The following GLDN variants were observed in gnomAD, a reference collection of about 807,000 sequenced individuals.
The protein encoded by GLDN is gliomedin.
A neutral mutation model predicts 56.5 loss-of-function variants in GLDN; 47 were observed. The ratio of observed to expected loss-of-function variants is 0.83; its 90% CI spans 0.66 to 1.06. The LOEUF (loss-of-function observed/expected upper bound fraction) is 1.06, where lower values mean the gene tolerates loss of function less well. GLDN is among the 50% of genes least tolerant of loss of function. GLDN has a pLI of 0.00. For synonymous variants in GLDN, 332 were observed against 278.8 expected (o/e 1.19, Z -1.90); for missense variants, 782 against 714.3 (o/e 1.09, Z -1.08).
chr15:51,344,797 G>A (rs2036948746), intron 1 of GLDN, among the ~76,000 whole-genome samples: 1 of 152,174 alleles, frequency 6.6e-6, no homozygotes, highest in Non-Finnish European at 1.5e-5. Flanking sequence ...CTCTACTGTT[G>A]GCTGAAAATA....
chr15:51,349,199 C>G (rs1487079928), intron 1 of GLDN, among the ~76,000 whole-genome samples: 1 of 152,182 alleles, frequency 6.6e-6, no homozygotes, highest in African/African-American at 2.4e-5. Context: ...TGATATGAAT[C>G]TAGAAATTCT....
intron 1 of GLDN, among the ~76,000 whole-genome samples, chr15:51,356,218 AAAG>A (rs2037184220): frequency 6.6e-6 from 1 of 151,718 alleles, no homozygotes; most frequent in Non-Finnish European, 1.5e-5. Flanking sequence ...AAAAAAAAAA[AAAG>A]AATACCTAAC....
At chr15:51,411,805 C>G (rs987055326), downstream of GLDN, among the ~76,000 whole-genome samples, 2 of 152,126 alleles carry the variant, frequency 1.3e-5, no homozygotes, top group Non-Finnish European at 1.5e-5. Flanking sequence ...GCAGACCATA[C>G]AAAAACAGGT....
chr15:51,366,788 G>T (rs2037411373), intron 1 of GLDN, among the ~76,000 whole-genome samples: 1 of 152,022 alleles, frequency 6.6e-6, no homozygotes, highest in Admixed American at 6.6e-5. Context: ...GCACGTGACT[G>T]TGGTCCCAGC....
At chr15:51,371,465 A>G (rs1166684101) in intron 1 of GLDN, among the ~76,000 whole-genome samples, 1 of 152,218 alleles carries the variant, frequency 6.6e-6, no homozygotes, top group East Asian at 1.9e-4. Flanking sequence ...CAGGTCAGCA[A>G]GAAGTCTGTT....
chr15:51,382,823 CAAT>C (rs755738048), intron 2 of GLDN, among the ~76,000 whole-genome samples: 3 of 152,090 alleles, frequency 2.0e-5, no homozygotes, highest in Non-Finnish European at 4.4e-5. Flanking sequence ...GAATAGTCGA[CAAT>C]AAGACACCCC....
intron 1 of GLDN, among the ~76,000 whole-genome samples, chr15:51,362,688 CAAT>C (rs1282709096): frequency 6.6e-6 from 1 of 151,878 alleles, no homozygotes; most frequent in Non-Finnish European, 1.5e-5. Context: ...TCTGACTTCT[CAAT>C]GATGAGAATC....
intron 1 of GLDN, among the ~76,000 whole-genome samples, chr15:51,356,333 C>G (rs933563771): frequency 6.6e-6 from 1 of 152,116 alleles, no homozygotes; most frequent in Non-Finnish European, 1.5e-5. Flanking sequence ...AAAGGAGCCA[C>G]TTGGTCCAGA....
At chr15:51,362,553 G>A (rs994891109) in intron 1 of GLDN, among the ~76,000 whole-genome samples, 4 of 151,874 alleles carry the variant, frequency 2.6e-5, no homozygotes, top group Non-Finnish European at 4.4e-5. Flanking sequence ...GGGGAAGGAG[G>A]GACAAGAGAC....
chr15:51,397,999 G>A (rs2038171824), intron 6 of GLDN, among the ~76,000 whole-genome samples: 1 of 152,208 alleles, frequency 6.6e-6, no homozygotes, highest in Non-Finnish European at 1.5e-5. Flanking sequence ...AGGTCCTCAC[G>A]AATAGTAACA....
chr15:51,361,206 A>G (rs562881853), intron 1 of GLDN, among the ~76,000 whole-genome samples: 155 of 152,218 alleles, frequency 1.0e-3, no homozygotes, highest in African/African-American at 3.5e-3. Flanking sequence ...ATCCCTTCCT[A>G]CCCTAACTTC....
intron 2 of GLDN, among the ~76,000 whole-genome samples, chr15:51,377,742 T>C (rs771424579): frequency 2.6e-5 from 4 of 152,200 alleles, no homozygotes; most frequent in African/African-American, 7.2e-5. Flanking sequence ...AAACGTGTGG[T>C]ACCTTGAACC....
chr15:51,409,333 T>C (rs1236148432), downstream of GLDN, among the ~76,000 whole-genome samples: 1 of 152,090 alleles, frequency 6.6e-6, no homozygotes, highest in Non-Finnish European at 1.5e-5. Context: ...ACTTTTGTAA[T>C]TGAAATATTA....
chr15:51,410,838 TG>T (rs796134255), downstream of GLDN, among the ~76,000 whole-genome samples: 16 of 152,354 alleles, frequency 1.1e-4, no homozygotes, highest in African/African-American at 3.8e-4. Context: ...TTACTGAATC[TG>T]GCAATCCTAA....
downstream of GLDN, among the ~76,000 whole-genome samples, chr15:51,412,739 C>A (rs533294192): frequency 6.6e-6 from 1 of 152,068 alleles, no homozygotes; most frequent in African/African-American, 2.4e-5. Context: ...GATATTTAGA[C>A]CAGGGATTAG....
At chr15:51,364,507 A>T (rs58440455) in intron 1 of GLDN, among the ~76,000 whole-genome samples, 17,896 of 152,088 alleles carry the variant, frequency 0.12, 1,991 homozygotes, top group African/African-American at 0.29. Flanking sequence ...GGCCTCCCAA[A>T]GTGCTGGGAT....
intron 1 of GLDN, among the ~76,000 whole-genome samples, chr15:51,365,132 G>T (rs2037374376): frequency 6.6e-6 from 1 of 152,210 alleles, no homozygotes; most frequent in African/African-American, 2.4e-5. Context: ...GTTCAAAGGT[G>T]TTTTTTAAAG....
chr15:51,404,126 C>A, intron 9 of GLDN, 151 bp from the exon 10 acceptor site: 1 of 668,334 alleles, frequency 1.5e-6, no homozygotes, highest in Non-Finnish European at 2.6e-6. Flanking sequence ...CAAGGACCAG[C>A]AGAGCAGGCA....
chr15:51,366,203 G>A (rs1405948840), intron 1 of GLDN, among the ~76,000 whole-genome samples: 3 of 152,212 alleles, frequency 2.0e-5, no homozygotes, highest in Non-Finnish European at 4.4e-5. Context: ...GCCATATTGG[G>A]AGAACACGGT....
Sources: gnomAD v4.1 joint callset for allele counts (sites outside exome capture counted in the v4.1 genomes callset) on GRCh38, gnomAD v4.1.1 for gene constraint, MANE v1.5 for transcripts, NCBI Gene and HGNC (gene_info 2026-07-23, HGNC 2026-07-21) for gene names.